PITPNC1: variants seen among roughly 807,000 people sequenced by gnomAD.
The protein encoded by PITPNC1 is cytoplasmic phosphatidylinositol transfer protein 1.
A neutral mutation model predicts 44.7 loss-of-function variants in PITPNC1; 18 were observed. That is an observed-to-expected ratio of 0.40 (90% CI 0.28 to 0.60). PITPNC1 has a LOEUF of 0.60. Ranked by LOEUF, PITPNC1 falls within the 20% of genes least tolerant of loss-of-function variation. The pLI is 0.39. For missense variants in PITPNC1, 290 were observed against 418.4 expected, an observed-to-expected ratio of 0.69 and a Z score of 2.68; for synonymous variants, 141 against 149.6, an observed-to-expected ratio of 0.94 and a Z score of 0.42.
chr17:67,549,956 T>C (rs1267066545), intron 2 of PITPNC1, among the ~76,000 whole-genome samples: 2 of 152,102 alleles, frequency 1.3e-5, no homozygotes, highest in Non-Finnish European at 2.9e-5. Context: ...CATATTGCGC[T>C]AGGGTGTGGG....
rs541569802 is a variant in PITPNC1 at position 67,469,974 on chromosome 17, G to A, written c.49-62828G>A. ...ATCTTGTTTTGTCATCCAGGCTGGA[G>A]TGCAGTTGTGCAATCTCAGCTCACT... On this transcript the variant is annotated intron_variant, in intron 1 of 8. Coordinates refer to ENST00000581322, the MANE Select transcript of PITPNC1 (RefSeq NM_012417.4). Among the ~76,000 whole-genome samples, 343 of 152,180 alleles carry A rather than the reference G, an allele frequency of 2.3e-3. 2 individuals are homozygous for A. Among genetic ancestry groups the A allele is most frequent in the Non-Finnish European group, 3.0e-3 (207 of 68,014 alleles).
rs1420868805 is a variant in PITPNC1 at position 67,408,729 on chromosome 17, C to CCTTCCTTTCTTT, written c.48+30530_48+30531insCCTTTCTTTCTT. ...TCCTTCCTTCCTTCCTTCCTTCCTT[C>CCTTCCTTTCTTT]CTTTCTTTCTTTCTCTCTTTCTTTC... On this transcript the variant is annotated intron_variant, in intron 1 of 8. Coordinates refer to ENST00000581322, the MANE Select transcript of PITPNC1 (RefSeq NM_012417.4). 3.5e-3 allele frequency: 463 copies of CCTTCCTTTCTTT among 131,316 alleles called. 8 individuals are homozygous for CCTTCCTTTCTTT. Among genetic ancestry groups the CCTTCCTTTCTTT allele is most frequent in the African/African-American group, 0.014 (446 of 32,878 alleles). 8.1% of individuals were successfully genotyped at this position (131,316 alleles called of 1,614,324 possible). A position where few individuals can be genotyped will look rare whatever the true frequency, so the allele number is the denominator to read the frequency against.
At chr17:67,404,989 A>G (rs959840884) in intron 1 of PITPNC1, among the ~76,000 whole-genome samples, 1 of 152,146 alleles carries the variant, frequency 6.6e-6, no homozygotes, top group African/African-American at 2.4e-5. Context: ...ACTCACGCCT[A>G]TGATCCCAGC....
At chr17:67,656,642 A>T (rs2144377344) in intron 6 of PITPNC1, among the ~76,000 whole-genome samples, 1 of 152,302 alleles carries the variant, frequency 6.6e-6, no homozygotes, top group South Asian at 2.1e-4. Flanking sequence ...GGGTTTCAAG[A>T]CACGTAATCT....
At chr17:67,577,108 C>G (rs2041159709) in intron 4 of PITPNC1, among the ~76,000 whole-genome samples, 1 of 151,732 alleles carries the variant, frequency 6.6e-6, no homozygotes. Context: ...AGAGAGAGAC[C>G]CTTGCCTTTA....
At chr17:67,680,600 C>CAA (rs11354234) in intron 8 of PITPNC1, among the ~76,000 whole-genome samples, 1 of 132,442 alleles carries the variant, frequency 7.6e-6, no homozygotes, top group South Asian at 2.4e-4. Context: ...AACTCTGTCT[C>CAA]AAAAAAAAAA....
At chr17:67,550,833 G>A (rs551817611) in intron 2 of PITPNC1, among the ~76,000 whole-genome samples, 2 of 152,136 alleles carry the variant, frequency 1.3e-5, no homozygotes, top group Admixed American at 1.3e-4. Context: ...AGGCCGAGGC[G>A]GGTGGATCAT....
At position 67,693,236 on chromosome 17, in the gene PITPNC1, G is replaced by A. The variant is rs1263196685; in HGVS notation, c.*348G>A. Reference sequence around the variant, plus strand: ...TTGCACCACTTTTGTTACAAGGTACGGTAGAAAATAGTGAAGTCAGTTTCC... The same window carrying A: ...TTGCACCACTTTTGTTACAAGGTACAGTAGAAAATAGTGAAGTCAGTTTCC... On this transcript the variant is annotated 3_prime_UTR_variant, in exon 9 of 9. Coordinates refer to ENST00000581322, the MANE Select transcript of PITPNC1 (RefSeq NM_012417.4). 6 of 191,162 alleles carry A rather than the reference G, an allele frequency of 3.1e-5. No homozygotes were observed. Among genetic ancestry groups the A allele is most frequent in the Admixed American group, 6.0e-5 (1 of 16,542 alleles). 11.8% of individuals were successfully genotyped at this position (191,162 alleles called of 1,614,324 possible).
intron 1 of PITPNC1, among the ~76,000 whole-genome samples, chr17:67,440,710 G>T (rs1191385298): frequency 4.0e-5 from 6 of 148,550 alleles, no homozygotes; most frequent in Admixed American, 2.0e-4. Flanking sequence ...TTTTTTTTTT[G>T]AAAAAAAATT....
chr17:67,651,166 G>C (rs1474893604), intron 6 of PITPNC1, among the ~76,000 whole-genome samples: 1 of 151,990 alleles, frequency 6.6e-6, no homozygotes. Flanking sequence ...CAAGTTTTAG[G>C]TCAGTTCTCC....
intron 5 of PITPNC1, among the ~76,000 whole-genome samples, chr17:67,630,302 A>G (rs2041949125): frequency 6.6e-6 from 1 of 152,248 alleles, no homozygotes; most frequent in African/African-American, 2.4e-5. Context: ...GACTTCCTCT[A>G]AGAATGAAGT....
At chr17:67,599,356 T>G (rs1328553953) in intron 5 of PITPNC1, among the ~76,000 whole-genome samples, 1 of 151,992 alleles carries the variant, frequency 6.6e-6, no homozygotes, top group Non-Finnish European at 1.5e-5. Context: ...GATACAGATT[T>G]GGAAGTCATA....
In PITPNC1 at chr17:67,507,880, C is replaced by T. The variant is rs117790103; in HGVS notation, c.49-24922C>T. Among the ~76,000 whole-genome samples, 342 of 151,988 alleles carry T rather than the reference C, an allele frequency of 2.3e-3. 2 individuals carry two copies. The highest frequency in any genetic ancestry group is 0.01 in the Middle Eastern group (3 of 294). Reference sequence around the variant, plus strand: ...CTCCTGGGTACTGTTTAGTGCCCATCGCTCCATGGCTTCACTGACCATCTG... The same window carrying T: ...CTCCTGGGTACTGTTTAGTGCCCATTGCTCCATGGCTTCACTGACCATCTG... On this transcript the variant is annotated intron_variant, in intron 1 of 8. Transcript: ENST00000581322.
chr17:67,452,516 G>GTTT (rs576299890), intron 1 of PITPNC1, among the ~76,000 whole-genome samples: 9 of 139,880 alleles, frequency 6.4e-5, no homozygotes, highest in Non-Finnish European at 3.1e-5. Context: ...AATTGCTGGG[G>GTTT]TTTTTTTTTT....
chr17:67,457,393 T>A (rs1025698138), intron 1 of PITPNC1: 2 of 150,408 alleles, frequency 1.3e-5, no homozygotes, highest in Admixed American at 6.6e-5. Context: ...GTTTTTTGTT[T>A]TTTGTTTTTT....
At chr17:67,579,267 G>A (rs545256086) in intron 5 of PITPNC1, among the ~76,000 whole-genome samples, 2 of 152,278 alleles carry the variant, frequency 1.3e-5, no homozygotes, top group South Asian at 4.1e-4. Context: ...TTTCTTTGGG[G>A]GTGACTGTTT....
At chr17:67,426,005 C>T (rs1247257399) in intron 1 of PITPNC1, among the ~76,000 whole-genome samples, 2 of 152,202 alleles carry the variant, frequency 1.3e-5, no homozygotes, top group East Asian at 3.9e-4. Context: ...AGGCCTCCCT[C>T]CTGCAATCCC....
chr17:67,690,144 A>G (rs925539479), intron 8 of PITPNC1, among the ~76,000 whole-genome samples: 1 of 152,208 alleles, frequency 6.6e-6, no homozygotes, highest in Non-Finnish European at 1.5e-5. Context: ...GTTTGCTCAG[A>G]TGTTATAAAA....
chr17:67,538,356 T>A (rs1211350185), intron 2 of PITPNC1, among the ~76,000 whole-genome samples: 2 of 152,050 alleles, frequency 1.3e-5, no homozygotes. Flanking sequence ...TCCCAACAAT[T>A]TGAGAGGCCA....
Sources: allele counts gnomAD v4.1 joint callset (sites outside exome capture counted in the v4.1 genomes callset), GRCh38; gene constraint gnomAD v4.1.1; transcripts MANE v1.5; gene names NCBI Gene and HGNC (gene_info 2026-07-23, HGNC 2026-07-21).